Variants in IL13RA2 observed in about 807,000 individuals in gnomAD.
IL13RA2 encodes the protein interleukin 13 receptor subunit alpha 2.
IL13RA2 carries 25 observed loss-of-function variants against 34.1 expected under a neutral mutation model. The observed-to-expected ratio is 0.73, with a 90% CI of 0.53 to 1.03. The LOEUF (loss-of-function observed/expected upper bound fraction) is 1.03, where lower values mean the gene tolerates loss of function less well. Ranked by LOEUF, IL13RA2 falls within the 50% of genes least tolerant of loss-of-function variation. The probability of loss-of-function intolerance (pLI) is 0.00; values close to 1 mark genes in which losing one functional copy is unlikely to be tolerated. For synonymous variants in IL13RA2, 106 were observed against 100.4 expected (o/e 1.06, Z -0.33); for missense variants, 297 against 280.9 (o/e 1.06, Z -0.41).
At chrX:115,006,236 A>C (rs782480185) in intron 8 of IL13RA2, among the ~76,000 whole-genome samples, 19 of 112,426 alleles carry the variant, frequency 1.7e-4, no homozygotes, top group African/African-American at 5.8e-4. Context: ...TTCCCCATAC[A>C]GAGTCAATCC....
intron 9 of IL13RA2, 60 bp downstream of exon 9, chrX:115,005,137 G>T (rs782391158): frequency 4.0e-5 from 24 of 604,675 alleles, no homozygotes; most frequent in Non-Finnish European, 6.8e-5. Flanking sequence ...AGTTCTAAGT[G>T]CAGAACATTT....
intron 5 of IL13RA2, among the ~76,000 whole-genome samples, chrX:115,012,058 G>A (rs1222596028): frequency 8.9e-6 from 1 of 112,138 alleles, no homozygotes; most frequent in Non-Finnish European, 1.9e-5. Flanking sequence ...GCCCAAGGCC[G>A]CCAAGTTAAA....
intron 8 of IL13RA2, 120 bp from the exon 9 acceptor site, chrX:115,005,435 C>T (rs1318387807): frequency 7.9e-6 from 4 of 508,793 alleles, no homozygotes; most frequent in African/African-American, 2.4e-5. Context: ...GTCATATTTG[C>T]CAGTGCATAA....
At position 115,010,711 on chromosome X, in the gene IL13RA2, A is replaced by G; in HGVS notation, c.639T>C (p.Cys213=). 1 of 1,024,498 alleles carries G rather than the reference A, an allele frequency of 9.8e-7. No individual in the cohort carries two copies. The highest frequency in any genetic ancestry group is 2.5e-4 in the Middle Eastern group (1 of 3,937). 84.4% of individuals were successfully genotyped at this position (1,024,498 alleles called of 1,213,427 possible). A position where few individuals can be genotyped will look rare whatever the true frequency, so the allele number is the denominator to read the frequency against. The change falls in exon 6 of 10, where the codon TGT becomes TGC. Residue 213 remains cysteine (C), a synonymous_variant. Coordinates refer to ENST00000243213, the MANE Select transcript of IL13RA2 (RefSeq NM_000640.3). ...EASDYKDFYI[C]VNGSSENKPI... Reference sequence around the variant, plus strand: ...GCTTGTTCTCTGATGATCCATTAACACAAATATAGAAATCTTTATAGTCTG... The same window carrying G: ...GCTTGTTCTCTGATGATCCATTAACGCAAATATAGAAATCTTTATAGTCTG...
Position 115,008,084 on chromosome X carries a change from C to A in IL13RA2, c.853-8G>T. The A allele has an allele frequency of 8.9e-7, 1 of 1,127,139 alleles. No homozygotes were observed. The allele number at this position is 1,127,139 out of a possible 1,213,427, so 92.9% of individuals were successfully genotyped here. On this transcript the variant is annotated splice_region_variant and splice_polypyrimidine_tract_variant and intron_variant, in intron 7 of 9. Coordinates refer to ENST00000243213, the MANE Select transcript of IL13RA2 (RefSeq NM_000640.3). ...ATTTTCAACTGTAGCAGTCTGAAAG[C>A]CAAGGACAAAATCAGATGCCATTAT...
At position 115,010,554 on chromosome X, in the gene IL13RA2, C is replaced by T. The variant is rs5987844; in HGVS notation, c.706+90G>A. ...CTGTCTATGTCTCTCTCTCCTTCCT[C>T]CCCTTTTTCTCTCTCTCACCCTCTC... On this transcript the variant is annotated intron_variant, in intron 6 of 9. Transcript: ENST00000243213. 14,665 of 450,411 alleles carry T rather than the reference C, an allele frequency of 0.033. 1,634 individuals carry two copies. The African/African-American group carries it at 0.33, about 10-fold the overall frequency. The allele number at this position is 450,411 out of a possible 1,213,427, so 37.1% of individuals were successfully genotyped here.
At chrX:115,008,880 G>A (rs782205801) in intron 7 of IL13RA2, among the ~76,000 whole-genome samples, 1 of 111,937 alleles carries the variant, frequency 8.9e-6, no homozygotes, top group Non-Finnish European at 1.9e-5. Context: ...TAATTTGATT[G>A]TAAGTGAATT....
chrX:115,016,331 T>C (rs2071727190), intron 2 of IL13RA2, among the ~76,000 whole-genome samples: 1 of 111,093 alleles, frequency 9.0e-6, no homozygotes, highest in Non-Finnish European at 1.9e-5. Flanking sequence ...AAAGAGTTAG[T>C]TTTGTGTAAA....
At chrX:115,013,585 T>C (rs2071714811) in intron 5 of IL13RA2, among the ~76,000 whole-genome samples, 184 bp downstream of exon 5, 2 of 111,717 alleles carry the variant, frequency 1.8e-5, no homozygotes, top group Non-Finnish European at 3.8e-5. Context: ...TACCTTCCAG[T>C]ATCTACATCC....
At chrX:115,010,541 C>G (rs782287096) in intron 6 of IL13RA2, 103 bp downstream of exon 6, 182 of 438,550 alleles carry the variant, frequency 4.2e-4, no homozygotes, top group Non-Finnish European at 4.8e-4. Flanking sequence ...GTCTATGTCT[C>G]TCTCTCCTTC....
In IL13RA2 at chrX:115,005,160, AT is replaced by A. The variant is rs11349365; in HGVS notation, c.1116+36del. The stretch of plus-strand genomic sequence containing the variant: ...GTGCAGAACATTTTAAAAATCTCCT[AT>A]TCTCAGGCTAAACATCATAATGTTA... On this transcript the variant is annotated intron_variant, in intron 9 of 9. Coordinates refer to ENST00000243213, the MANE Select transcript of IL13RA2 (RefSeq NM_000640.3). The A allele has an allele frequency of 0.027, 17,761 of 646,320 alleles. 1,952 individuals are homozygous for A. The African/African-American group carries it at 0.33, about 12-fold the overall frequency. 53.3% of individuals were successfully genotyped at this position (646,320 alleles called of 1,213,427 possible). A position where few individuals can be genotyped will look rare whatever the true frequency, so the allele number is the denominator to read the frequency against.
intron 3 of IL13RA2, 63 bp from the exon 4 acceptor site, chrX:115,014,637 T>C (rs2071719367): frequency 1.3e-6 from 1 of 793,248 alleles, no homozygotes; most frequent in Non-Finnish European, 1.8e-6. Context: ...GTGAGCTATA[T>C]TAATAAGACT....
intron 5 of IL13RA2, among the ~76,000 whole-genome samples, chrX:115,012,780 A>AC (rs1476540841): frequency 8.8e-4 from 78 of 88,640 alleles, no homozygotes; most frequent in African/African-American, 3.1e-3. Flanking sequence ...AAACAAACAA[A>AC]AAAAAAAACA....
At chrX:115,017,361 G>A (rs1423133247) in intron 1 of IL13RA2, 59 bp from the exon 2 acceptor site, 3 of 533,440 alleles carry the variant, frequency 5.6e-6, no homozygotes, top group African/African-American at 2.4e-5. Flanking sequence ...CAAACTAAAC[G>A]TGATTAAAAA....
chrX:115,006,783 G>A (rs2071687030), intron 8 of IL13RA2, among the ~76,000 whole-genome samples: 1 of 111,909 alleles, frequency 8.9e-6, no homozygotes, highest in African/African-American at 3.2e-5. Flanking sequence ...ATTTTTTGAG[G>A]ATATGGCTAA....
At chrX:115,009,921 C>T (rs1009829217) in intron 6 of IL13RA2, among the ~76,000 whole-genome samples, 46 of 111,842 alleles carry the variant, frequency 4.1e-4, no homozygotes, top group African/African-American at 1.5e-3. Flanking sequence ...GAGAAAAGTT[C>T]GAAGACCCAA....
At chrX:115,007,003 T>C (rs1431558698) in intron 8 of IL13RA2, among the ~76,000 whole-genome samples, 2 of 112,076 alleles carry the variant, frequency 1.8e-5, no homozygotes, top group East Asian at 5.6e-4. Flanking sequence ...TTATATAATC[T>C]ATTAGGCTTC....
At position 115,017,316 on chromosome X, in the gene IL13RA2, AT is replaced by A. The variant is rs1556510422; in HGVS notation, c.-33-15del. The A allele has an allele frequency of 1.6e-6, 1 of 607,818 alleles. No individual in the cohort carries two copies. The highest frequency in any genetic ancestry group is 2.2e-5 in the African/African-American group (1 of 45,516). 50.1% of individuals were successfully genotyped at this position (607,818 alleles called of 1,213,427 possible). ...GATATTGCCTCTCTATGAAGGAAAA[AT>A]ATAACATTTTAACTTTATCTTACAT... is the stretch of plus-strand genomic sequence containing the variant. On this transcript the variant is annotated splice_polypyrimidine_tract_variant and intron_variant, in intron 1 of 9. Transcript: ENST00000243213.
intron 7 of IL13RA2, 90 bp downstream of exon 7, chrX:115,009,431 C>A: frequency 1.4e-6 from 1 of 711,341 alleles, no homozygotes; most frequent in Non-Finnish European, 2.2e-6. Context: ...CTGTCCCTCA[C>A]GTGGATGCAA....
Sources: gnomAD v4.1 joint callset for allele counts (sites outside exome capture counted in the v4.1 genomes callset) on GRCh38, gnomAD v4.1.1 for gene constraint, MANE v1.5 for transcripts, NCBI Gene and HGNC (gene_info 2026-07-23, HGNC 2026-07-21) for gene names.